The following CDH11 variants were observed in gnomAD, a reference collection of about 807,000 sequenced individuals.
CDH11 encodes cadherin-11.
A neutral mutation model predicts 67.8 loss-of-function variants in CDH11; 11 were observed. The observed-to-expected ratio is 0.16, with a 90% CI of 0.10 to 0.27. The LOEUF (loss-of-function observed/expected upper bound fraction) is 0.27. Ranked by LOEUF, CDH11 falls within the 10% of genes least tolerant of loss-of-function variation. CDH11 has a pLI of 1.00. For synonymous variants in CDH11, 419 were observed against 400.0 expected (o/e 1.05, Z -0.57); for missense variants, 847 against 1,031.2 (o/e 0.82, Z 2.45).
chr16:65,061,818 T>C (rs568694171), intron 1 of CDH11, among the ~76,000 whole-genome samples: 2 of 152,320 alleles, frequency 1.3e-5, no homozygotes, highest in South Asian at 4.1e-4. Flanking sequence ...TAAAATTTAT[T>C]GAGAATTTCC....
intron 1 of CDH11, among the ~76,000 whole-genome samples, chr16:65,056,592 C>A (rs1208357958): frequency 6.6e-6 from 1 of 152,166 alleles, no homozygotes; most frequent in Non-Finnish European, 1.5e-5. Flanking sequence ...TCCTTAAGCA[C>A]ATATAACCAT....
At chr16:64,986,526 G>A (rs1015367324) in intron 7 of CDH11, 4 of 151,950 alleles carry the variant, frequency 2.6e-5, no homozygotes, top group African/African-American at 9.7e-5. Flanking sequence ...AAGGATGGGA[G>A]GCAGGAATTG....
chr16:65,076,923 T>A (rs945872522), intron 1 of CDH11, among the ~76,000 whole-genome samples: 1 of 152,116 alleles, frequency 6.6e-6, no homozygotes, highest in Non-Finnish European at 1.5e-5. Context: ...TAGCACATGG[T>A]ATTTCTAATC....
At chr16:65,115,924 G>T (rs905711393) in intron 1 of CDH11, among the ~76,000 whole-genome samples, 7 of 152,024 alleles carry the variant, frequency 4.6e-5, no homozygotes, top group African/African-American at 1.2e-4. Context: ...GTGAGACTCT[G>T]TCTCTAAAAA....
chr16:65,046,240 C>T (rs927800907), intron 2 of CDH11, among the ~76,000 whole-genome samples: 3 of 152,140 alleles, frequency 2.0e-5, no homozygotes, highest in Non-Finnish European at 2.9e-5. Flanking sequence ...GGCTGGTTGT[C>T]GGAAATGAAG....
Position 64,947,492 on chromosome 16 carries a change from G to T in CDH11, c.*111C>A. 6.6e-7 allele frequency: 1 copy of T among 1,506,420 alleles called. No homozygotes were observed. Among genetic ancestry groups the T allele is most frequent in the South Asian group, 1.4e-5 (1 of 72,130 alleles). 93.3% of individuals were successfully genotyped at this position (1,506,420 alleles called of 1,614,324 possible). ...AAATGTATCCTCTCTGTAAAACTTTGCCTGTTTTAAATGAGCCTTTCCTTG... is the reference window on the plus strand; with the variant it reads ...AAATGTATCCTCTCTGTAAAACTTTTCCTGTTTTAAATGAGCCTTTCCTTG... On this transcript the variant is annotated 3_prime_UTR_variant, in exon 13 of 13. Transcript: ENST00000268603.
chr16:64,963,644 C>T (rs2071731836), intron 11 of CDH11, among the ~76,000 whole-genome samples: 2 of 152,090 alleles, frequency 1.3e-5, no homozygotes, highest in African/African-American at 2.4e-5. Context: ...GTCCCTACAC[C>T]TAGTCATATC....
chr16:65,043,901 C>T (rs975722273), intron 2 of CDH11, among the ~76,000 whole-genome samples: 1 of 152,082 alleles, frequency 6.6e-6, no homozygotes, highest in African/African-American at 2.4e-5. Flanking sequence ...GGGGACAACT[C>T]TGTTTTCTAG....
At chr16:65,025,531 CGAT>C (rs1768158701) in intron 2 of CDH11, among the ~76,000 whole-genome samples, 1 of 152,006 alleles carries the variant, frequency 6.6e-6, no homozygotes, top group African/African-American at 2.4e-5. Context: ...TTAATAGAGA[CGAT>C]GTTTCACCAT....
At chr16:65,062,513 C>G (rs923375347) in intron 1 of CDH11, among the ~76,000 whole-genome samples, 1 of 152,140 alleles carries the variant, frequency 6.6e-6, no homozygotes, top group Admixed American at 6.5e-5. Flanking sequence ...GAGAGAGTTC[C>G]CTCTGGGGCC....
intron 1 of CDH11, among the ~76,000 whole-genome samples, chr16:65,107,125 G>A (rs1014386199): frequency 1.3e-5 from 2 of 151,994 alleles, no homozygotes; most frequent in Admixed American, 6.6e-5. Flanking sequence ...TAAGTCTCAC[G>A]GACCTACCCT....
At chr16:65,078,169 C>T (rs951378040) in intron 1 of CDH11, among the ~76,000 whole-genome samples, 3 of 152,168 alleles carry the variant, frequency 2.0e-5, no homozygotes, top group African/African-American at 7.2e-5. Context: ...GTCAAAGAAA[C>T]CTCCCTGACA....
At chr16:64,971,836 T>G (rs2142427121) in intron 10 of CDH11, 95 bp downstream of exon 10, 3 of 1,453,588 alleles carry the variant, frequency 2.1e-6, no homozygotes, top group Non-Finnish European at 2.9e-6. Flanking sequence ...GAAACCTTTT[T>G]GGGCAGTGGT....
intron 2 of CDH11, among the ~76,000 whole-genome samples, chr16:65,006,432 A>T (rs2073056533): frequency 1.3e-5 from 2 of 152,194 alleles, no homozygotes; most frequent in South Asian, 4.1e-4. Flanking sequence ...GAAGGTACAT[A>T]GACTTGGAGA....
chr16:64,986,806 C>T (rs1032880710), intron 7 of CDH11: 1 of 152,000 alleles, frequency 6.6e-6, no homozygotes, highest in Non-Finnish European at 1.5e-5. Context: ...AACAATCACC[C>T]CCTACCTTTT....
At chr16:65,107,558 A>C (rs1337733536) in intron 1 of CDH11, among the ~76,000 whole-genome samples, 9 of 152,218 alleles carry the variant, frequency 5.9e-5, no homozygotes, top group Non-Finnish European at 8.8e-5. Flanking sequence ...AAATCATTTA[A>C]TAAAGCATGC....
intron 2 of CDH11, among the ~76,000 whole-genome samples, chr16:65,049,430 A>T (rs1223875534): frequency 6.6e-6 from 1 of 152,124 alleles, no homozygotes; most frequent in East Asian, 1.9e-4. Context: ...TAACTTCTCT[A>T]AACCTCAGTA....
At chr16:65,094,021 A>G (rs186289259) in intron 1 of CDH11, among the ~76,000 whole-genome samples, 15 of 152,340 alleles carry the variant, frequency 9.8e-5, no homozygotes, top group Admixed American at 8.5e-4. Context: ...GGCCTTGTGA[A>G]GAGCTCAAAT....
intron 8 of CDH11, among the ~76,000 whole-genome samples, chr16:64,974,075 G>A (rs975421985): frequency 4.6e-5 from 7 of 152,172 alleles, no homozygotes; most frequent in African/African-American, 1.7e-4. Flanking sequence ...ATATTATTGG[G>A]CTGTATTTGT....
Sources: allele counts gnomAD v4.1 joint callset (sites outside exome capture counted in the v4.1 genomes callset), GRCh38; gene constraint gnomAD v4.1.1; transcripts MANE v1.5; gene names NCBI Gene and HGNC (gene_info 2026-07-23, HGNC 2026-07-21).